ATP13A4: variants seen among roughly 807,000 people sequenced by gnomAD.
ATP13A4 encodes the protein ATPase 13A4.
ATP13A4 carries 114 observed loss-of-function variants against 142.5 expected under a neutral mutation model. The observed-to-expected ratio is 0.80, with a 90% CI of 0.69 to 0.93. ATP13A4 has a LOEUF of 0.93. ATP13A4 is among the 40% of genes least tolerant of loss of function. ATP13A4 has a pLI of 0.00. For synonymous variants in ATP13A4, 488 were observed against 514.8 expected (o/e 0.95, Z 0.70); for missense variants, 1,392 against 1,454.0 (o/e 0.96, Z 0.69).
At chr3:193,521,676 T>C (rs1721723756) in intron 1 of ATP13A4, among the ~76,000 whole-genome samples, 1 of 152,016 alleles carries the variant, frequency 6.6e-6, no homozygotes, top group South Asian at 2.1e-4. Flanking sequence ...CTCATGCCTG[T>C]AATCCCAGCA....
At chr3:193,404,063 G>A (rs999643258) in intron 29 of ATP13A4, 20 of 985,220 alleles carry the variant, frequency 2.0e-5, no homozygotes, top group East Asian at 1.1e-4. Context: ...CCATATAACC[G>A]TCTCAGCCTC....
chr3:193,558,114 T>G (rs1406652263), upstream of ATP13A4, among the ~76,000 whole-genome samples: 1 of 152,190 alleles, frequency 6.6e-6, no homozygotes, highest in East Asian at 1.9e-4. Flanking sequence ...TCCCTACTGT[T>G]CCTGATCAGC....
At chr3:193,493,672 T>C (rs1455794001) in intron 3 of ATP13A4, among the ~76,000 whole-genome samples, 1 of 151,998 alleles carries the variant, frequency 6.6e-6, no homozygotes, top group East Asian at 1.9e-4. Context: ...CACAAGTTAG[T>C]TTGGGGGAAG....
intron 25 of ATP13A4, among the ~76,000 whole-genome samples, chr3:193,415,588 T>C (rs1715018077): frequency 6.6e-6 from 1 of 152,240 alleles, no homozygotes; most frequent in Non-Finnish European, 1.5e-5. Flanking sequence ...GCAGGCCTTA[T>C]TTACAAATTG....
upstream of ATP13A4, among the ~76,000 whole-genome samples, chr3:193,559,088 T>C (rs1402290614): frequency 1.3e-5 from 2 of 152,198 alleles, no homozygotes; most frequent in Non-Finnish European, 2.9e-5. Context: ...TCTGGCCCAT[T>C]TAGGTTTTGT....
intron 8 of ATP13A4, among the ~76,000 whole-genome samples, chr3:193,480,576 C>T (rs997535783): frequency 1.3e-5 from 2 of 151,876 alleles, no homozygotes; most frequent in African/African-American, 2.4e-5. Context: ...AACCACAATG[C>T]GATATCACCT....
At chr3:193,516,009 C>T (rs1448348341) in intron 1 of ATP13A4, among the ~76,000 whole-genome samples, 1 of 152,168 alleles carries the variant, frequency 6.6e-6, no homozygotes. Context: ...GGTTGTTGCC[C>T]TATGTAAGCA....
chr3:193,554,661 TG>T, intron 1 of ATP13A4, 78 bp downstream of exon 1: 1 of 301,530 alleles, frequency 3.3e-6, no homozygotes, highest in Non-Finnish European at 4.8e-6. Flanking sequence ...TGCGTGTGTG[TG>T]TGTGTGTGTG....
intron 25 of ATP13A4, among the ~76,000 whole-genome samples, chr3:193,421,746 A>G (rs1467460434): frequency 6.7e-6 from 1 of 149,954 alleles, no homozygotes; most frequent in Non-Finnish European, 1.5e-5. Flanking sequence ...TAATTATAAG[A>G]TATTTTATGT....
intron 28 of ATP13A4, among the ~76,000 whole-genome samples, chr3:193,408,359 G>C (rs1714605817): frequency 6.6e-6 from 1 of 151,992 alleles, no homozygotes; most frequent in African/African-American, 2.4e-5. Flanking sequence ...TATCAATATG[G>C]GACTACATAT....
At chr3:193,484,551 T>G (rs774857404) in intron 7 of ATP13A4, among the ~76,000 whole-genome samples, 15 of 152,180 alleles carry the variant, frequency 9.9e-5, no homozygotes, top group African/African-American at 3.6e-4. Context: ...TCATTTAGTG[T>G]GTTCATTTTG....
At chr3:193,451,978 C>T (rs1717306733) in intron 17 of ATP13A4, among the ~76,000 whole-genome samples, 1 of 152,162 alleles carries the variant, frequency 6.6e-6, no homozygotes, top group East Asian at 1.9e-4. Flanking sequence ...TTAGACCATA[C>T]AAGATTTTAA....
intron 2 of ATP13A4, among the ~76,000 whole-genome samples, chr3:193,505,195 T>G (rs1720792075): frequency 6.6e-6 from 1 of 152,158 alleles, no homozygotes; most frequent in South Asian, 2.1e-4. Flanking sequence ...TTGAATTCTG[T>G]ACCAACTGAC....
At chr3:193,554,664 G>GCA in intron 1 of ATP13A4, 76 bp downstream of exon 1, 1 of 951,112 alleles carries the variant, frequency 1.1e-6, no homozygotes, top group African/African-American at 1.8e-5. Context: ...GTGTGTGTGT[G>GCA]TGTGTGTGTG....
intron 23 of ATP13A4, among the ~76,000 whole-genome samples, chr3:193,437,740 A>C (rs1171093557): frequency 6.6e-6 from 1 of 152,152 alleles, no homozygotes; most frequent in East Asian, 1.9e-4. Context: ...TATCATTCAA[A>C]TATAATGGAG....
Position 193,457,430 on chromosome 3 carries a change from C to T in ATP13A4, c.1710G>A (p.Lys570=), listed in dbSNP as rs1035381147. 3 of 1,614,088 alleles carry T rather than the reference C, an allele frequency of 1.9e-6. No individual in the cohort carries two copies. The highest frequency in any genetic ancestry group is 2.7e-5 in the African/African-American group (2 of 74,930). The change falls in exon 15 of 30, where the codon AAG becomes AAA. Residue 570 remains lysine, a synonymous_variant. Coordinates refer to ENST00000342695, the MANE Select transcript of ATP13A4 (RefSeq NM_032279.4). ...MAFSGDDFHI[K]GVPAHAMVVK... ...CTACCATGGCATGTGCCGGCACTCC[C>T]TTGATGTGGAAATCGTCCCCAGAAA...
At chr3:193,550,307 T>G (rs1350738133) in intron 1 of ATP13A4, among the ~76,000 whole-genome samples, 4 of 103,234 alleles carry the variant, frequency 3.9e-5, no homozygotes, top group Admixed American at 8.9e-5. Context: ...AATTTTAGGT[T>G]TTTTTTTTTT....
At chr3:193,496,954 T>C (rs997741906) in intron 3 of ATP13A4, among the ~76,000 whole-genome samples, 1 of 151,872 alleles carries the variant, frequency 6.6e-6, no homozygotes, top group Non-Finnish European at 1.5e-5. Context: ...AGATGGGAAA[T>C]GATAAAACTA....
At chr3:193,448,566 A>T (rs1008455252) in intron 17 of ATP13A4, among the ~76,000 whole-genome samples, 2 of 152,038 alleles carry the variant, frequency 1.3e-5, no homozygotes, top group African/African-American at 4.8e-5. Context: ...GAACTCCTGA[A>T]TTCAAGTGAT....
Sources: allele counts gnomAD v4.1 joint callset (sites outside exome capture counted in the v4.1 genomes callset), GRCh38; gene constraint gnomAD v4.1.1; transcripts MANE v1.5; gene names NCBI Gene and HGNC (gene_info 2026-07-23, HGNC 2026-07-21).